SH3BP5: variants seen among roughly 807,000 people sequenced by gnomAD.
SH3BP5 encodes SH3 domain binding protein 5.
SH3BP5 carries 22 observed loss-of-function variants against 43.3 expected under a neutral mutation model. The ratio of observed to expected loss-of-function variants is 0.51; its 90% CI spans 0.36 to 0.73. The LOEUF (loss-of-function observed/expected upper bound fraction) is 0.73. SH3BP5 is among the 30% of genes least tolerant of loss of function. SH3BP5 has a pLI of 0.00. For missense variants in SH3BP5, 529 were observed against 586.9 expected (o/e 0.90, Z 1.02); for synonymous variants, 255 against 225.8 (o/e 1.13, Z -1.16).
chr3:15,309,008 AGT>A (rs1697983126), intron 2 of SH3BP5, among the ~76,000 whole-genome samples: 2 of 152,246 alleles, frequency 1.3e-5, no homozygotes, highest in South Asian at 4.1e-4. Context: ...GCTGCAATAA[AGT>A]AATCAAATAC....
chr3:15,322,594 T>C (rs1470358015), intron 2 of SH3BP5, among the ~76,000 whole-genome samples: 3 of 151,792 alleles, frequency 2.0e-5, no homozygotes, highest in Non-Finnish European at 2.9e-5. Context: ...TCCCAACACT[T>C]TGGGAAGCCG....
At position 15,330,585 on chromosome 3, in the gene SH3BP5, A is replaced by G. The variant is rs372261636; in HGVS notation, c.139-19T>C. ...GTTCTCCCTGGTGAAGAAAAGAGGG[A>G]GAAAAAAAGACTTAAGGGATCCGTC... On this transcript the variant is annotated intron_variant, in intron 1 of 8. Coordinates refer to ENST00000383791, the MANE Select transcript of SH3BP5 (RefSeq NM_004844.5). 6.3e-7 allele frequency: 1 copy of G among 1,577,396 alleles called. No individual in the cohort carries two copies. Among genetic ancestry groups the G allele is most frequent in the Non-Finnish European group, 8.6e-7 (1 of 1,161,116 alleles).
At chr3:15,298,713 A>G (rs554731816) in intron 3 of SH3BP5, among the ~76,000 whole-genome samples, 1 of 152,340 alleles carries the variant, frequency 6.6e-6, no homozygotes, top group Admixed American at 6.5e-5. Flanking sequence ...CAAATATTGT[A>G]TGATTCCTCA....
rs754140213 is a variant in SH3BP5 at position 15,332,337 on chromosome 3, C to T, written c.72G>A (p.Glu24=). The change falls in exon 1 of 9, where the codon GAG becomes GAA. Residue 24 remains glutamate, a synonymous_variant. Transcript: ENST00000383791. ...AEILPPARDE[E]EEEEEGMEQG... Reference sequence around the variant, plus strand: ...GCTCCATCCCCTCTTCCTCCTCCTCCTCCTCGTCCCGGGCAGGCGGCAGGA... The same window carrying T: ...GCTCCATCCCCTCTTCCTCCTCCTCTTCCTCGTCCCGGGCAGGCGGCAGGA... The T allele has an allele frequency of 1.9e-6, 3 of 1,544,182 alleles. No homozygotes were observed. Among genetic ancestry groups the T allele is most frequent in the Non-Finnish European group, 1.7e-6 (2 of 1,148,708 alleles).
intron 2 of SH3BP5, among the ~76,000 whole-genome samples, chr3:15,316,552 G>A (rs1218939973): frequency 1.3e-5 from 2 of 151,882 alleles, no homozygotes; most frequent in African/African-American, 2.4e-5. Flanking sequence ...CTTTTTTGTT[G>A]ATGTTACATA....
intron 3 of SH3BP5, among the ~76,000 whole-genome samples, chr3:15,283,100 A>C (rs990031211): frequency 6.6e-6 from 1 of 152,230 alleles, no homozygotes; most frequent in African/African-American, 2.4e-5. Context: ...TAAATGAGCA[A>C]ACAAAAGTAA....
intron 4 of SH3BP5, 38 bp from the exon 5 acceptor site, chr3:15,262,327 G>C: frequency 1.2e-6 from 2 of 1,607,552 alleles, no homozygotes; most frequent in East Asian, 4.5e-5. Flanking sequence ...GTCCAGCCCA[G>C]AACAGCCCAG....
intron 3 of SH3BP5, among the ~76,000 whole-genome samples, chr3:15,287,384 G>A (rs562889502): frequency 2.0e-5 from 3 of 152,264 alleles, no homozygotes; most frequent in South Asian, 2.1e-4. Flanking sequence ...ACAAAAAGCC[G>A]AGGGAGCGGG....
Position 15,300,500 on chromosome 3 carries a change from GC to G in SH3BP5, c.330+3602del, listed in dbSNP as rs1697705991. ...AGAGCTTTGTAAATATAAAAAGGAA[GC>G]GGGGGCGGGGGGACAAGAGGAAGAA... is the stretch of plus-strand genomic sequence containing the variant. On this transcript the variant is annotated intron_variant, in intron 3 of 8. Coordinates refer to ENST00000383791, the MANE Select transcript of SH3BP5 (RefSeq NM_004844.5). 2.8e-4 allele frequency among the ~76,000 whole-genome samples: 16 copies of G among 58,086 alleles called. No individual in the cohort carries two copies. The South Asian group carries it at 3.1e-3, about 11-fold the overall frequency. The allele number at this position is 58,086 out of a possible 152,430, so 38.1% of individuals were successfully genotyped here. A position where few individuals can be genotyped will look rare whatever the true frequency, so the allele number is the denominator to read the frequency against.
chr3:15,337,581 T>A (rs1489231300), upstream of SH3BP5, among the ~76,000 whole-genome samples: 1 of 152,048 alleles, frequency 6.6e-6, no homozygotes, highest in African/African-American at 2.4e-5. Context: ...AGATGACAAA[T>A]TCCTAGTCCT....
At chr3:15,262,315 CAG>C (rs768384609) in intron 4 of SH3BP5, 26 bp from the exon 5 acceptor site, 2 of 1,596,900 alleles carry the variant, frequency 1.3e-6, no homozygotes, top group Admixed American at 1.7e-5. Flanking sequence ...GAGTTCAGCC[CAG>C]TCCAGCCCAG....
chr3:15,328,418 TTA>T (rs1698519188), intron 2 of SH3BP5, among the ~76,000 whole-genome samples: 1 of 142,550 alleles, frequency 7.0e-6, no homozygotes, highest in African/African-American at 2.5e-5. Context: ...ATCAATGCTT[TTA>T]AAAAAAAAAA....
rs372452000 is a variant in SH3BP5, at chr3:15,327,299, C to T, written c.201+3205G>A. 8.5e-5 allele frequency among the ~76,000 whole-genome samples: 13 copies of T among 152,314 alleles called. No homozygotes were observed. The South Asian group carries it at 2.5e-3, about 29-fold the overall frequency. On this transcript the variant is annotated intron_variant, in intron 2 of 8. Transcript: ENST00000383791. ...CCTGTAATCCCAGCTACTCGGGAGG[C>T]TGAGGCAGGAGACTGGCTTGAACCC...
intron 2 of SH3BP5, among the ~76,000 whole-genome samples, chr3:15,320,892 C>T (rs927588091): frequency 1.3e-5 from 2 of 152,084 alleles, no homozygotes; most frequent in East Asian, 1.9e-4. Context: ...GGAAAGTCGG[C>T]GTGTACTGCA....
rs1433017306 is a variant in SH3BP5, at chr3:15,256,301, C to T, written c.1153G>A (p.Asp385Asn). 1 of 1,612,270 alleles carries T rather than the reference C, an allele frequency of 6.2e-7. No individual in the cohort carries two copies. The highest frequency in any genetic ancestry group is 1.1e-5 in the South Asian group (1 of 91,052). The change falls in exon 9 of 9, where the codon GAC becomes AAC. Residue 385 changes from aspartate (D) to asparagine (N), a missense_variant and splice_region_variant. This residue lies in a region of SH3BP5 where 369 missense variants were observed against 384.3 expected (regional missense o/e 0.96). Transcript: ENST00000383791. ...SSPECEVERGDRAEGAENKTS... is the reference protein window; with the variant it reads ...SSPECEVERGNRAEGAENKTS... ...TTATTCTCTGCCCCTTCTGCCCTGT[C>T]TCCTATAGAAATACAAGGATTATCA...
At chr3:15,289,940 A>G (rs899361458) in intron 3 of SH3BP5, among the ~76,000 whole-genome samples, 26 of 152,216 alleles carry the variant, frequency 1.7e-4, no homozygotes, top group African/African-American at 6.3e-4. Flanking sequence ...TGAGATCAAG[A>G]GACTTAAAGA....
intron 3 of SH3BP5, among the ~76,000 whole-genome samples, chr3:15,284,634 C>T (rs1220190218): frequency 1.3e-5 from 2 of 152,246 alleles, no homozygotes; most frequent in Non-Finnish European, 2.9e-5. Flanking sequence ...TGGAGAGCTT[C>T]TCCATATTGG....
intron 2 of SH3BP5, among the ~76,000 whole-genome samples, chr3:15,324,083 G>A (rs1351645059): frequency 1.3e-5 from 2 of 152,154 alleles, no homozygotes; most frequent in Non-Finnish European, 2.9e-5. Context: ...CCACACATGT[G>A]TTTTTTCTTT....
intron 2 of SH3BP5, among the ~76,000 whole-genome samples, chr3:15,312,500 C>CA (rs941500373): frequency 3.4e-4 from 51 of 152,208 alleles, no homozygotes; most frequent in African/African-American, 1.2e-3. Flanking sequence ...GACCTGCAGC[C>CA]AAAAAATCTC....
Sources: gnomAD v4.1 joint callset for allele counts (sites outside exome capture counted in the v4.1 genomes callset) on GRCh38, gnomAD v4.1.1 for gene constraint, gnomAD v4.1.1 regional missense constraint, MANE v1.5 for transcripts, NCBI Gene and HGNC (gene_info 2026-07-23, HGNC 2026-07-21) for gene names.